B3GALT1: variants seen among roughly 807,000 people sequenced by gnomAD.
B3GALT1 encodes UDP-Gal:betaGlcNAc beta 1,3-galactosyltransferase, polypeptide 1.
In B3GALT1, 10 loss-of-function variants were observed where a neutral mutation model predicts 23.2. That is an observed-to-expected ratio of 0.43 (90% CI 0.27 to 0.73). The LOEUF is 0.73. Ranked by LOEUF, B3GALT1 falls within the 30% of genes least tolerant of loss-of-function variation. The pLI is 0.21. For synonymous variants in B3GALT1, 156 were observed against 141.5 expected (o/e 1.10, Z -0.73); for missense variants, 299 against 405.4 (o/e 0.74, Z 2.25).
intron 2 of B3GALT1, among the ~76,000 whole-genome samples, chr2:167,537,664 C>T (rs568630097): frequency 1.3e-5 from 2 of 152,116 alleles, no homozygotes; most frequent in African/African-American, 2.4e-5. Context: ...CAGCAAATTC[C>T]CTCAACTGTA....
intron 2 of B3GALT1, among the ~76,000 whole-genome samples, chr2:167,554,885 C>T (rs1319159185): frequency 2.0e-5 from 3 of 152,000 alleles, no homozygotes; most frequent in Non-Finnish European, 4.4e-5. Context: ...CATTTGATCA[C>T]CATAGAAAAG....
intron 1 of B3GALT1, among the ~76,000 whole-genome samples, chr2:167,414,692 C>G (rs1698440838): frequency 6.6e-6 from 1 of 152,160 alleles, no homozygotes; most frequent in Non-Finnish European, 1.5e-5. Flanking sequence ...TCTTATGAAC[C>G]TAGGGTAATG....
At chr2:167,636,283 G>A (rs1467148260) in intron 2 of B3GALT1, among the ~76,000 whole-genome samples, 1 of 151,716 alleles carries the variant, frequency 6.6e-6, no homozygotes, top group Non-Finnish European at 1.5e-5. Context: ...AAATAAAGGG[G>A]ATTAGTTTAC....
At chr2:167,732,523 GA>G (rs1687425001) in intron 3 of B3GALT1, among the ~76,000 whole-genome samples, 1 of 152,198 alleles carries the variant, frequency 6.6e-6, no homozygotes, top group Non-Finnish European at 1.5e-5. Flanking sequence ...ACTTCACCTG[GA>G]AATAAGCTAG....
chr2:167,616,810 T>G (rs1473190627), intron 2 of B3GALT1, among the ~76,000 whole-genome samples: 2 of 152,158 alleles, frequency 1.3e-5, no homozygotes, highest in African/African-American at 2.4e-5. Context: ...CTGGGTTATT[T>G]GAAATTAGGG....
intron 3 of B3GALT1, among the ~76,000 whole-genome samples, chr2:167,722,599 C>T (rs1157645113): frequency 6.6e-6 from 1 of 152,058 alleles, no homozygotes; most frequent in Non-Finnish European, 1.5e-5. Flanking sequence ...ACCACTGAAG[C>T]CAGAATTTTA....
chr2:167,371,227 C>T (rs1444528374), intron 1 of B3GALT1, among the ~76,000 whole-genome samples: 3 of 151,586 alleles, frequency 2.0e-5, no homozygotes, highest in African/African-American at 7.3e-5. Context: ...AATGCCTTGT[C>T]GTACATAGTA....
Position 167,565,039 on chromosome 2 carries a change from G to A in B3GALT1, c.-410+74762G>A, listed in dbSNP as rs535918022. The stretch of plus-strand genomic sequence containing the variant: ...TTCATATGGAACCAAAAAAGAGCCC[G>A]CATTGCCAAGTCAATCCTAAGCCAA... On this transcript the variant is annotated intron_variant, in intron 2 of 4. Coordinates refer to ENST00000392690, the MANE Select transcript of B3GALT1 (RefSeq NM_020981.4). Among the ~76,000 whole-genome samples the A allele has an allele frequency of 1.5e-4, 23 of 152,182 alleles. No homozygotes were observed. The South Asian group carries it at 1.7e-3, about 11-fold the overall frequency.
At chr2:167,414,180 T>G (rs923338253) in intron 1 of B3GALT1, among the ~76,000 whole-genome samples, 2 of 152,150 alleles carry the variant, frequency 1.3e-5, no homozygotes, top group African/African-American at 4.8e-5. Context: ...TTAGGTTTGA[T>G]GAAGACTAGA....
intron 2 of B3GALT1, among the ~76,000 whole-genome samples, chr2:167,564,632 C>A (rs910812602): frequency 6.6e-6 from 1 of 152,152 alleles, no homozygotes; most frequent in East Asian, 1.9e-4. Flanking sequence ...AGGCCGAGGC[C>A]GGCGGATCAC....
At chr2:167,648,351 T>C (rs1685793228) in intron 3 of B3GALT1, among the ~76,000 whole-genome samples, 1 of 152,124 alleles carries the variant, frequency 6.6e-6, no homozygotes, top group South Asian at 2.1e-4. Context: ...AATTTTTTTT[T>C]CTGTACAACA....
chr2:167,385,064 G>A (rs942880472), intron 1 of B3GALT1, among the ~76,000 whole-genome samples: 10 of 152,102 alleles, frequency 6.6e-5, no homozygotes, highest in African/African-American at 1.9e-4. Context: ...CAGGTGCAGA[G>A]GAAGAAATTG....
intron 2 of B3GALT1, among the ~76,000 whole-genome samples, chr2:167,522,056 GT>G (rs1455327275): frequency 1.4e-5 from 2 of 144,528 alleles, no homozygotes; most frequent in Non-Finnish European, 3.0e-5. Context: ...AGGTAAAATT[GT>G]TTAAATGTGG....
At chr2:167,300,341 T>C (rs1023754668) in intron 1 of B3GALT1, among the ~76,000 whole-genome samples, 11 of 152,190 alleles carry the variant, frequency 7.2e-5, no homozygotes, top group Non-Finnish European at 1.5e-4. Flanking sequence ...TTAATAAATG[T>C]AAATAAGTAG....
chr2:167,325,702 CTTTTTTTTTTTTT>C (rs61066636), intron 1 of B3GALT1, among the ~76,000 whole-genome samples: 2 of 110,568 alleles, frequency 1.8e-5, no homozygotes, highest in African/African-American at 6.6e-5. Context: ...ACCCTGTTTT[CTTTTTTTTTTTTT>C]TTTTTTTTTT....
rs1320478733 is a variant in B3GALT1 at position 167,791,775 on chromosome 2, T to G, written c.-351-26897T>G. On this transcript the variant is annotated intron_variant, in intron 3 of 4. Transcript: ENST00000392690. Reference sequence around the variant, plus strand: ...TAACCAAAATTGTATTTTCTCCTTGTAAACGAGGATGAAAATTACATTGTT... The same window carrying G: ...TAACCAAAATTGTATTTTCTCCTTGGAAACGAGGATGAAAATTACATTGTT... Among the ~76,000 whole-genome samples, 5 of 152,174 alleles carry G rather than the reference T, an allele frequency of 3.3e-5. No homozygotes were observed. The East Asian group carries it at 9.6e-4, about 29-fold the overall frequency.
intron 2 of B3GALT1, among the ~76,000 whole-genome samples, chr2:167,599,083 C>T (rs1022842740): frequency 2.0e-5 from 3 of 152,110 alleles, no homozygotes; most frequent in African/African-American, 4.8e-5. Flanking sequence ...AGTGGTTGCT[C>T]AAGGTGAGCC....
chr2:167,445,209 A>G (rs1185118753), intron 1 of B3GALT1, among the ~76,000 whole-genome samples: 1 of 152,172 alleles, frequency 6.6e-6, no homozygotes, highest in East Asian at 1.9e-4. Flanking sequence ...TTCTAGTTTG[A>G]TTGCACTGTG....
intron 4 of B3GALT1, among the ~76,000 whole-genome samples, chr2:167,821,431 CTTTTTTTT>C (rs10573752): frequency 1.8e-5 from 2 of 108,724 alleles, no homozygotes; most frequent in African/African-American, 7.7e-5. Context: ...AAGGAAGGTA[CTTTTTTTT>C]TTTTTTTTTT....
Sources: allele counts gnomAD v4.1 joint callset (sites outside exome capture counted in the v4.1 genomes callset), GRCh38; gene constraint gnomAD v4.1.1; transcripts MANE v1.5; gene names NCBI Gene and HGNC (gene_info 2026-07-23, HGNC 2026-07-21).